DIAPH2: variants seen among roughly 807,000 people sequenced by gnomAD.
DIAPH2 encodes protein diaphanous homolog 2.
In DIAPH2, 35 loss-of-function variants were observed where a neutral mutation model predicts 92.7. The ratio of observed to expected loss-of-function variants is 0.38; its 90% CI spans 0.29 to 0.50. The LOEUF (loss-of-function observed/expected upper bound fraction) is 0.50. DIAPH2 is among the 20% of genes least tolerant of loss of function. The pLI is 0.94. For missense variants in DIAPH2, 701 were observed against 819.5 expected, an observed-to-expected ratio of 0.86 and a Z score of 1.77; for synonymous variants, 301 against 280.4, an observed-to-expected ratio of 1.07 and a Z score of -0.73.
chrX:97,570,103 TA>T (rs1569426157), intron 26 of DIAPH2, among the ~76,000 whole-genome samples: 23 of 31,843 alleles, frequency 7.2e-4, no homozygotes, highest in African/African-American at 1.5e-3. Context: ...TATATATATA[TA>T]TATATATATA....
At chrX:96,849,727 A>G (rs140587352) in intron 4 of DIAPH2, among the ~76,000 whole-genome samples, 1 of 111,817 alleles carries the variant, frequency 8.9e-6, no homozygotes, top group African/African-American at 3.2e-5. Context: ...TGAAGTTGCC[A>G]GAAATTTGGA....
chrX:97,266,644 A>C (rs2147578109), intron 23 of DIAPH2, among the ~76,000 whole-genome samples: 1 of 112,517 alleles, frequency 8.9e-6, no homozygotes, highest in Admixed American at 9.5e-5. Context: ...AAGAAAATTT[A>C]GAAAGAAACA....
Position 96,938,549 on chromosome X carries a change from A to T in DIAPH2, c.1209-717A>T, listed in dbSNP as rs773577815. 9.9e-5 allele frequency among the ~76,000 whole-genome samples: 11 copies of T among 111,509 alleles called. No individual in the cohort carries two copies. The South Asian group carries it at 4.1e-3, about 42-fold the overall frequency. ...GTATGCTTAATTCTACTTTGGAGAA[A>T]ATGTTGACATTTCAGGTTATTTTAG... On this transcript the variant is annotated intron_variant, in intron 11 of 26. Transcript: ENST00000324765.
At chrX:97,244,883 G>T (rs2068126692) in intron 22 of DIAPH2, among the ~76,000 whole-genome samples, 1 of 111,467 alleles carries the variant, frequency 9.0e-6, no homozygotes, top group East Asian at 2.8e-4. Flanking sequence ...AAGGTCAGGA[G>T]ATCGAGACCA....
At chrX:96,916,630 A>T in intron 8 of DIAPH2, 56 bp downstream of exon 8, 12 of 1,070,760 alleles carry the variant, frequency 1.1e-5, no homozygotes, top group Non-Finnish European at 1.5e-5. Flanking sequence ...TTAAGAAATT[A>T]ATAAGTCCTA....
intron 23 of DIAPH2, among the ~76,000 whole-genome samples, chrX:97,346,587 G>A (rs1236397713): frequency 8.9e-6 from 1 of 112,113 alleles, no homozygotes; most frequent in Non-Finnish European, 1.9e-5. Context: ...TAAGTTTTAT[G>A]TGACACAGGA....
intron 19 of DIAPH2, among the ~76,000 whole-genome samples, chrX:97,076,774 GTAA>G (rs745815823): frequency 9.0e-6 from 1 of 111,296 alleles, no homozygotes; most frequent in Non-Finnish European, 1.9e-5. Flanking sequence ...GGACTCAGGT[GTAA>G]TAAGATGACC....
chrX:97,350,341 AT>A (rs1313424230), intron 24 of DIAPH2, among the ~76,000 whole-genome samples: 1 of 111,015 alleles, frequency 9.0e-6, no homozygotes, highest in Non-Finnish European at 1.9e-5. Context: ...AATACATATG[AT>A]TAATATTGTT....
chrX:97,187,268 C>A (rs369106148), intron 22 of DIAPH2, among the ~76,000 whole-genome samples: 1 of 76,697 alleles, frequency 1.3e-5, no homozygotes, highest in African/African-American at 5.1e-5. Context: ...GGATTGAAGA[C>A]TAATTAAGTA....
chrX:96,768,815 G>A (rs1046949067), intron 4 of DIAPH2, among the ~76,000 whole-genome samples: 7 of 111,301 alleles, frequency 6.3e-5, no homozygotes, highest in South Asian at 7.6e-4. Flanking sequence ...CAAGAGTTAG[G>A]GTGACTAAAA....
intron 4 of DIAPH2, among the ~76,000 whole-genome samples, chrX:96,847,040 A>G (rs1419580676): frequency 9.0e-6 from 1 of 111,503 alleles, no homozygotes; most frequent in Non-Finnish European, 1.9e-5. Context: ...CATTCTAATT[A>G]CTACCACTCC....
intron 26 of DIAPH2, among the ~76,000 whole-genome samples, chrX:97,495,935 G>A (rs934601404): frequency 9.0e-6 from 1 of 110,573 alleles, no homozygotes; most frequent in Non-Finnish European, 1.9e-5. Flanking sequence ...GCCCCAAAAT[G>A]TAAATAAATT....
At chrX:97,283,453 CAG>C (rs908495727) in intron 23 of DIAPH2, among the ~76,000 whole-genome samples, 6 of 109,846 alleles carry the variant, frequency 5.5e-5, no homozygotes, top group African/African-American at 9.8e-5. Flanking sequence ...TGCAGACTTT[CAG>C]AGAGAGAGAG....
rs180972028 is a variant in DIAPH2 at position 97,091,046 on chromosome X, G to T, written c.2248-8648G>T. ...TTTGAGACAGGATATTCGCTCTGTT[G>T]CCCAGGCTGGAGTGCAGTGGCACAA... On this transcript the variant is annotated intron_variant, in intron 19 of 26. Coordinates refer to ENST00000324765, the MANE Select transcript of DIAPH2 (RefSeq NM_006729.5). 2.2e-3 allele frequency among the ~76,000 whole-genome samples: 244 copies of T among 110,875 alleles called. 1 individual carries two copies. The highest frequency in any genetic ancestry group is 3.1e-3 in the East Asian group (11 of 3,502).
At chrX:97,594,261 G>C (rs980798090) in intron 26 of DIAPH2, among the ~76,000 whole-genome samples, 1 of 111,273 alleles carries the variant, frequency 9.0e-6, no homozygotes, top group Non-Finnish European at 1.9e-5. Context: ...TGGTCAACTA[G>C]TAGAGCAATT....
At chrX:96,861,087 T>C (rs1368185399) in intron 4 of DIAPH2, among the ~76,000 whole-genome samples, 1 of 111,578 alleles carries the variant, frequency 9.0e-6, no homozygotes, top group Admixed American at 9.5e-5. Flanking sequence ...TAGAGTGTTC[T>C]GCATTTATTC....
intron 24 of DIAPH2, among the ~76,000 whole-genome samples, chrX:97,368,370 G>A (rs187147117): frequency 6.3e-5 from 7 of 111,849 alleles, no homozygotes; most frequent in African/African-American, 1.9e-4. Context: ...CAAACGTTCA[G>A]CACTTCTTTT....
chrX:97,309,896 T>C (rs1569358421), intron 23 of DIAPH2, among the ~76,000 whole-genome samples: 1 of 112,405 alleles, frequency 8.9e-6, no homozygotes, highest in African/African-American at 3.2e-5. Context: ...GTCACCAACC[T>C]GTTTCTTCTC....
At chrX:97,137,903 C>T (rs1165925186) in intron 21 of DIAPH2, among the ~76,000 whole-genome samples, 1 of 111,876 alleles carries the variant, frequency 8.9e-6, no homozygotes, top group Non-Finnish European at 1.9e-5. Flanking sequence ...AACATCTATG[C>T]GGTTAGGTTA....
Sources: allele counts gnomAD v4.1 joint callset (sites outside exome capture counted in the v4.1 genomes callset), GRCh38; gene constraint gnomAD v4.1.1; transcripts MANE v1.5; gene names NCBI Gene and HGNC (gene_info 2026-07-23, HGNC 2026-07-21).